The following DDX39A variants were observed in gnomAD, a reference collection of about 807,000 sequenced individuals.
DDX39A encodes the protein ATP-dependent RNA helicase DDX39A.
In DDX39A, 13 loss-of-function variants were observed where a neutral mutation model predicts 46.3. The ratio of observed to expected loss-of-function variants is 0.28; its 90% CI spans 0.18 to 0.45. The LOEUF is 0.45. DDX39A is among the 20% of genes least tolerant of loss of function. The pLI is 1.00. For missense variants in DDX39A, 352 were observed against 581.8 expected (o/e 0.61, Z 4.06); for synonymous variants, 234 against 224.6 (o/e 1.04, Z -0.38).
At position 14,409,294 on chromosome 19, in the gene DDX39A, G is replaced by A. The variant is rs754652478; in HGVS notation, c.1119+9C>T. 3 of 1,614,216 alleles carry A rather than the reference G, an allele frequency of 1.9e-6. No individual in the cohort carries two copies. Among genetic ancestry groups the A allele is most frequent in the South Asian group, 1.1e-5 (1 of 91,084 alleles). On this transcript the variant is annotated intron_variant, in intron 9 of 10. Transcript: ENST00000242776. This position sits in a 1 kb window ranked among gnomAD's most constrained non-coding sequence, Gnocchi z 8.3. Reference sequence around the variant, plus strand: ...CAGGGGAAAGCAACATGCCCGTGAGGCTGCTCACCCGGTGCAGGTAGGTGT... The same window carrying A: ...CAGGGGAAAGCAACATGCCCGTGAGACTGCTCACCCGGTGCAGGTAGGTGT...
Position 14,412,797 on chromosome 19 carries a change from CCA to C in DDX39A, c.209-121_209-120del. The C allele has an allele frequency of 7.1e-7, 1 of 1,401,656 alleles. No homozygotes were observed. The highest frequency in any genetic ancestry group is 1.3e-5 in the South Asian group (1 of 74,176). The allele number at this position is 1,401,656 out of a possible 1,614,324, so 86.8% of individuals were successfully genotyped here. The stretch of plus-strand genomic sequence containing the variant: ...CAGAAGAGGCCGAGTCCGGACAAGG[CCA>C]CAGACACCTGCAGGGCTGGGGTATC... On this transcript the variant is annotated intron_variant, in intron 2 of 10. Transcript: ENST00000242776. This position sits in a 1 kb window ranked among gnomAD's most constrained non-coding sequence, Gnocchi z 4.4.
Position 14,412,937 on chromosome 19 carries a change from G to A in DDX39A, c.208+76C>T, listed in dbSNP as rs1424403281. ...CCTCACCCACGGCAAACTGGAGGCG[G>A]CACCGCTCTGGGCGGGCAGGGCTGG... On this transcript the variant is annotated intron_variant, in intron 2 of 10. Coordinates refer to ENST00000242776, the MANE Select transcript of DDX39A (RefSeq NM_005804.4). The surrounding 1 kb of genome is among the most constrained non-coding windows in gnomAD (Gnocchi z 4.4). 1.3e-6 allele frequency: 2 copies of A among 1,503,840 alleles called. No homozygotes were observed. The highest frequency in any genetic ancestry group is 1.4e-5 in the African/African-American group (1 of 72,112). 93.2% of individuals were successfully genotyped at this position (1,503,840 alleles called of 1,614,324 possible). A position where few individuals can be genotyped will look rare whatever the true frequency, so the allele number is the denominator to read the frequency against.
intron 1 of DDX39A, among the ~76,000 whole-genome samples, chr19:14,414,936 T>TAAAAAA (rs1006829482): frequency 5.5e-5 from 4 of 72,802 alleles, no homozygotes; most frequent in African/African-American, 1.3e-4. Context: ...CACTCCAGCC[T>TAAAAAA]AAAAAAAAAA....
intron 1 of DDX39A, 190 bp downstream of exon 1, chr19:14,419,080 C>T: frequency 2.3e-6 from 1 of 441,846 alleles, no homozygotes; most frequent in Non-Finnish European, 4.5e-6. Context: ...AACGGCTGGC[C>T]CACCCCTAGC....
At chr19:14,415,007 C>CAGATAATT (rs1599648983) in intron 1 of DDX39A, among the ~76,000 whole-genome samples, 1 of 151,142 alleles carries the variant, frequency 6.6e-6, no homozygotes, top group African/African-American at 2.4e-5. Context: ...CCACTTAAGG[C>CAGATAATT]AGATAATTCA....
At position 14,412,955 on chromosome 19, in the gene DDX39A, A is replaced by G. The variant is rs777165902; in HGVS notation, c.208+58T>C. 2.0e-4 allele frequency: 305 copies of G among 1,563,780 alleles called. No individual in the cohort carries two copies. Among genetic ancestry groups the G allele is most frequent in the Non-Finnish European group, 2.0e-4 (225 of 1,147,616 alleles). ...GGAGGCGGCACCGCTCTGGGCGGGCAGGGCTGGTCTTGTCTTGGTGAGGAC... is the reference window on the plus strand; with the variant it reads ...GGAGGCGGCACCGCTCTGGGCGGGCGGGGCTGGTCTTGTCTTGGTGAGGAC... On this transcript the variant is annotated intron_variant, in intron 2 of 10. Coordinates refer to ENST00000242776, the MANE Select transcript of DDX39A (RefSeq NM_005804.4). This position sits in a 1 kb window ranked among gnomAD's most constrained non-coding sequence, Gnocchi z 4.4.
Position 14,412,192 on chromosome 19 carries a change from C to T in DDX39A, c.336+359G>A, listed in dbSNP as rs1438994365. ...CAAGGACAGTGGTGACAGCTATATT[C>T]GGGGCAACCCAACCTTCACAGATGG... On this transcript the variant is annotated intron_variant, in intron 3 of 10. Transcript: ENST00000242776. The surrounding 1 kb of genome is among the most constrained non-coding windows in gnomAD (Gnocchi z 4.4). 1.3e-5 allele frequency among the ~76,000 whole-genome samples: 2 copies of T among 152,186 alleles called. No homozygotes were observed. The highest frequency in any genetic ancestry group is 2.9e-5 in the Non-Finnish European group (2 of 68,032).
At chr19:14,414,628 T>C (rs1429658358) in intron 1 of DDX39A, among the ~76,000 whole-genome samples, 5 of 145,982 alleles carry the variant, frequency 3.4e-5, no homozygotes, top group African/African-American at 1.2e-4. Flanking sequence ...GGATTACAGG[T>C]GTGAGCCACC....
Position 14,409,765 on chromosome 19 carries a change from A to T in DDX39A, c.841T>A (p.Leu281Met). The change falls in exon 7 of 11, where the codon TTG becomes ATG. Residue 281 changes from leucine (L) to methionine (M), a missense_variant. Physicochemically the swap from Leu to Met is conservative, Grantham distance 15. This residue lies in a region of DDX39A where 301 missense variants were observed against 469.9 expected (regional missense o/e 0.64). Coordinates refer to ENST00000242776, the MANE Select transcript of DDX39A (RefSeq NM_005804.4). The surrounding 1 kb of genome is among the most constrained non-coding windows in gnomAD (Gnocchi z 8.3). The part of the protein sequence containing the change: ...SEKNRKLFDL[L>M]DVLEFNQVII... ...ACCTGGTTAAACTCCAGCACATCCA[A>T]GAGATCAAAGAGCTTGCGGTTCTTC... is the stretch of plus-strand genomic sequence containing the variant. 1 of 1,614,164 alleles carries T rather than the reference A, an allele frequency of 6.2e-7. No individual in the cohort carries two copies. Among genetic ancestry groups the T allele is most frequent in the Non-Finnish European group, 8.5e-7 (1 of 1,180,030 alleles).
rs553337992 is a variant in DDX39A, at chr19:14,409,954, C to T, written c.733-81G>A. Reference sequence around the variant, plus strand: ...CTGCCCAGAACCTTCCAGTGGGCGACTCCTTTGTGCGACACTTCCCAGAGG... The same window carrying T: ...CTGCCCAGAACCTTCCAGTGGGCGATTCCTTTGTGCGACACTTCCCAGAGG... On this transcript the variant is annotated intron_variant, in intron 6 of 10. Transcript: ENST00000242776. The surrounding 1 kb of genome is among the most constrained non-coding windows in gnomAD (Gnocchi z 8.3). 8 of 1,546,818 alleles carry T rather than the reference C, an allele frequency of 5.2e-6. No individual in the cohort carries two copies. Among genetic ancestry groups the T allele is most frequent in the Non-Finnish European group, 7.1e-6 (8 of 1,127,114 alleles).
At chr19:14,414,469 G>T (rs1976725908) in intron 1 of DDX39A, among the ~76,000 whole-genome samples, 1 of 149,622 alleles carries the variant, frequency 6.7e-6, no homozygotes, top group African/African-American at 2.4e-5. Context: ...TCCTGCCTCA[G>T]CCTCCTGAGT....
chr19:14,409,016 G>C lies in DDX39A; in HGVS notation c.1267+21C>G, dbSNP rs1485750269. 37 of 1,613,968 alleles carry C rather than the reference G, an allele frequency of 2.3e-5. No individual in the cohort carries two copies. Among genetic ancestry groups the C allele is most frequent in the Non-Finnish European group, 3.1e-5 (36 of 1,180,016 alleles). ...GAGGAACCCTCTGCCCCAGACCCCTGGCCCTGCCCAAGGCACTTACTGTAT... is the reference window on the plus strand; with the variant it reads ...GAGGAACCCTCTGCCCCAGACCCCTCGCCCTGCCCAAGGCACTTACTGTAT... On this transcript the variant is annotated intron_variant, in intron 10 of 10. Transcript: ENST00000242776. This position sits in a 1 kb window ranked among gnomAD's most constrained non-coding sequence, Gnocchi z 8.3.
At position 14,412,953 on chromosome 19, in the gene DDX39A, G is replaced by T; in HGVS notation, c.208+60C>A. On this transcript the variant is annotated intron_variant, in intron 2 of 10. Transcript: ENST00000242776. The surrounding 1 kb of genome is among the most constrained non-coding windows in gnomAD (Gnocchi z 4.4). The stretch of plus-strand genomic sequence containing the variant: ...CTGGAGGCGGCACCGCTCTGGGCGG[G>T]CAGGGCTGGTCTTGTCTTGGTGAGG... 1.3e-6 allele frequency: 2 copies of T among 1,557,732 alleles called. No homozygotes were observed. The highest frequency in any genetic ancestry group is 1.7e-6 in the Non-Finnish European group (2 of 1,143,230).
In DDX39A at chr19:14,413,008, C is replaced by T; in HGVS notation, c.208+5G>A. The T allele has an allele frequency of 2.5e-6, 4 of 1,613,254 alleles. No homozygotes were observed. The highest frequency in any genetic ancestry group is 1.7e-6 in the Non-Finnish European group (2 of 1,179,490). ...GGGCAAGAGGATAACACCCAGAAGG[C>T]GTACCCTCAGAAGGATGCTCAAAGC... On this transcript the variant is annotated splice_donor_5th_base_variant and intron_variant, in intron 2 of 10. Transcript: ENST00000242776.
chr19:14,410,106 G>A lies in DDX39A; in HGVS notation c.732+110C>T. 1 of 1,145,622 alleles carries A rather than the reference G, an allele frequency of 8.7e-7. No individual in the cohort carries two copies. Among genetic ancestry groups the A allele is most frequent in the South Asian group, 1.2e-5 (1 of 80,500 alleles). 71.0% of individuals were successfully genotyped at this position (1,145,622 alleles called of 1,614,324 possible). A position where few individuals can be genotyped will look rare whatever the true frequency, so the allele number is the denominator to read the frequency against. On this transcript the variant is annotated intron_variant, in intron 6 of 10. Transcript: ENST00000242776. The surrounding 1 kb of genome is among the most constrained non-coding windows in gnomAD (Gnocchi z 4.3). ...GAGGGGAGGAAAGGAGGCTCCGCCGGCTCCCAGCATCCCAGCATCCTCCGT... is the reference window on the plus strand; with the variant it reads ...GAGGGGAGGAAAGGAGGCTCCGCCGACTCCCAGCATCCCAGCATCCTCCGT...
intron 1 of DDX39A, chr19:14,416,526 G>A (rs1976814274): frequency 6.6e-6 from 1 of 152,422 alleles, no homozygotes; most frequent in African/African-American, 2.4e-5. Flanking sequence ...CAATCTGAAG[G>A]GGTCACTTCC....
Position 14,411,447 on chromosome 19 carries a change from G to T in DDX39A, c.429+59C>A. On this transcript the variant is annotated intron_variant, in intron 4 of 10. Transcript: ENST00000242776. The surrounding 1 kb of genome is among the most constrained non-coding windows in gnomAD (Gnocchi z 4.1). ...TAAATGCTGGCTGGGCCAGAGCCGA[G>T]GCTAACAAAGCTGCAGAAACCAAGT... The T allele has an allele frequency of 6.6e-7, 1 of 1,512,450 alleles. No individual in the cohort carries two copies. Among genetic ancestry groups the T allele is most frequent in the Non-Finnish European group, 9.2e-7 (1 of 1,088,938 alleles). 93.7% of individuals were successfully genotyped at this position (1,512,450 alleles called of 1,614,324 possible).
chr19:14,419,038 A>G (rs1262334176), intron 1 of DDX39A: 1 of 453,640 alleles, frequency 2.2e-6, no homozygotes, highest in Non-Finnish European at 4.4e-6. Context: ...CCCCTCCGAG[A>G]AGCGGGCCCC....
chr19:14,411,261 CAG>C lies in DDX39A; in HGVS notation c.430-91_430-90del, dbSNP rs948273294. Reference sequence around the variant, plus strand: ...CCCAGCACCTGCGAACAGGAGGCCTCAGGGGACCAAGGCAGGCCTGAGAGCCT... The same window carrying C: ...CCCAGCACCTGCGAACAGGAGGCCTCGGGACCAAGGCAGGCCTGAGAGCCT... On this transcript the variant is annotated intron_variant, in intron 4 of 10. Coordinates refer to ENST00000242776, the MANE Select transcript of DDX39A (RefSeq NM_005804.4). This position sits in a 1 kb window ranked among gnomAD's most constrained non-coding sequence, Gnocchi z 4.1. 5 of 1,448,502 alleles carry C rather than the reference CAG, an allele frequency of 3.5e-6. No homozygotes were observed. The highest frequency in any genetic ancestry group is 2.3e-5 in the East Asian group (1 of 43,608). The allele number at this position is 1,448,502 out of a possible 1,614,324, so 89.7% of individuals were successfully genotyped here.
Sources: gnomAD v4.1 joint callset for allele counts (sites outside exome capture counted in the v4.1 genomes callset) on GRCh38, gnomAD v4.1.1 for gene constraint, gnomAD v4.1.1 regional missense constraint, Gnocchi (gnomAD v3.1) non-coding constraint, MANE v1.5 for transcripts, NCBI Gene and HGNC (gene_info 2026-07-23, HGNC 2026-07-21) for gene names.